The following DDX1 variants were observed in gnomAD, a reference collection of about 807,000 sequenced individuals.
DDX1 encodes DEAD-box helicase 1, also known as ATP-dependent RNA helicase DDX1.
DDX1 carries 28 observed loss-of-function variants against 108.7 expected under a neutral mutation model. The observed-to-expected ratio is 0.26, with a 90% CI of 0.19 to 0.35. The LOEUF (loss-of-function observed/expected upper bound fraction) is 0.35. DDX1 is among the 10% of genes least tolerant of loss of function. The probability of loss-of-function intolerance (pLI) is 1.00; values close to 1 mark genes in which losing one functional copy is unlikely to be tolerated. For synonymous variants in DDX1, 295 were observed against 288.9 expected, an observed-to-expected ratio of 1.02 and a Z score of -0.21; for missense variants, 710 against 884.5, an observed-to-expected ratio of 0.80 and a Z score of 2.50.
At chr2:15,609,387 G>A (rs1665718544) in intron 13 of DDX1, among the ~76,000 whole-genome samples, 1 of 152,216 alleles carries the variant, frequency 6.6e-6, no homozygotes, top group Non-Finnish European at 1.5e-5. Flanking sequence ...ATCTTTGAAT[G>A]AAGCTAAGCT....
At position 15,595,146 on chromosome 2, in the gene DDX1, G is replaced by A. The variant is rs1465725135; in HGVS notation, c.18G>A (p.Glu6=). 19 of 1,607,764 alleles carry A rather than the reference G, an allele frequency of 1.2e-5. No homozygotes were observed. Among genetic ancestry groups the A allele is most frequent in the Non-Finnish European group, 1.6e-5 (19 of 1,177,044 alleles). ...TTTAAAATTAATTTTTACTTTCAGA[G>A]ATGGGTGTAATGCCTGAGATTGCAC... The part of the protein sequence containing the change: MAAFS[E]MGVMPEIAQA... The change falls in exon 2 of 26, where the codon GAG becomes GAA. Residue 6 remains glutamate (E), a splice_region_variant and synonymous_variant. Transcript: ENST00000233084.
intron 10 of DDX1, 47 bp downstream of exon 10, chr2:15,604,556 A>G (rs146192227): frequency 5.5e-6 from 7 of 1,284,248 alleles, no homozygotes; most frequent in Admixed American, 3.5e-5. Context: ...ATGATATTCA[A>G]TAATTGTGGT....
chr2:15,621,102 G>T lies in DDX1; in HGVS notation c.1433G>T (p.Gly478Val), dbSNP rs749562135. Residue 478 changes from glycine (G) to valine (V), a missense_variant, in exon 18 of 26, where the codon GGT (glycine) becomes GTT (valine). By Grantham distance (109) the Gly-to-Val change is moderately radical. Around this residue, in one of 3 missense-constraint regions of DDX1, gnomAD observed 661 missense variants for 810.2 expected, o/e 0.82. Coordinates refer to ENST00000233084, the MANE Select transcript of DDX1 (RefSeq NM_004939.3). ...DVHAKDNTRP[G>V]ANSPEMWSEA... is the part of the protein sequence containing the mutation. Reference sequence around the variant, plus strand: ...CATGCAAAAGATAACACAAGACCTGGTGCTAATAGTCCAGGTGAGTTAAAA... The same window carrying T: ...CATGCAAAAGATAACACAAGACCTGTTGCTAATAGTCCAGGTGAGTTAAAA... The T allele has an allele frequency of 3.7e-6, 6 of 1,609,688 alleles. No homozygotes were observed. Among genetic ancestry groups the T allele is most frequent in the Non-Finnish European group, 5.1e-6 (6 of 1,177,360 alleles).
In DDX1 at chr2:15,607,268, A is replaced by G. The variant is rs547863300; in HGVS notation, c.911A>G (p.Asn304Ser). Residue 304 changes from asparagine to serine, a missense_variant, in exon 13 of 26, where the codon AAC becomes AGC. Around this residue, in one of 3 missense-constraint regions of DDX1, gnomAD observed 661 missense variants for 810.2 expected, o/e 0.82. Transcript: ENST00000233084. ...CGGGAGTTAGCTGAACAAACTTTGAACAACATCAAGCAGTTTAAGAAATAC... is the reference window on the plus strand; with the variant it reads ...CGGGAGTTAGCTGAACAAACTTTGAGCAACATCAAGCAGTTTAAGAAATAC... ...PSRELAEQTL[N>S]NIKQFKKYID... 3 of 1,613,402 alleles carry G rather than the reference A, an allele frequency of 1.9e-6. No homozygotes were observed. The highest frequency in any genetic ancestry group is 1.1e-5 in the South Asian group (1 of 91,056).
At chr2:15,624,502 A>G (rs1454417670) in intron 19 of DDX1, among the ~76,000 whole-genome samples, 1 of 152,166 alleles carries the variant, frequency 6.6e-6, no homozygotes, top group African/African-American at 2.4e-5. Flanking sequence ...ACATGGCAGC[A>G]GGAAGGAGAA....
chr2:15,613,486 A>AT (rs1198448375), intron 14 of DDX1, among the ~76,000 whole-genome samples: 1 of 152,170 alleles, frequency 6.6e-6, no homozygotes, highest in East Asian at 1.9e-4. Flanking sequence ...CTCAAGCAAA[A>AT]TTCCAGCATA....
chr2:15,618,393 G>A (rs1025560269), intron 16 of DDX1, 123 bp downstream of exon 16: 9 of 607,480 alleles, frequency 1.5e-5, no homozygotes, highest in African/African-American at 5.4e-5. Context: ...GCCCTTGCCC[G>A]GGTTTTGCTC....
At chr2:15,608,265 A>AG (rs372278667) in intron 13 of DDX1, among the ~76,000 whole-genome samples, 1 of 150,348 alleles carries the variant, frequency 6.7e-6, no homozygotes, top group African/African-American at 2.5e-5. Context: ...GTGGTGACTC[A>AG]CGCCTGTATT....
At chr2:15,606,369 G>T in intron 12 of DDX1, 105 bp downstream of exon 12, 1 of 714,996 alleles carries the variant, frequency 1.4e-6, no homozygotes, top group South Asian at 2.3e-5. Flanking sequence ...TTTCCTTGCT[G>T]GTTTAGTCAC....
chr2:15,620,146 TTGTG>T, intron 16 of DDX1, 58 bp from the exon 17 acceptor site: 1 of 1,423,112 alleles, frequency 7.0e-7, no homozygotes, highest in Non-Finnish European at 9.8e-7. Context: ...ATATCAGTGT[TTGTG>T]TGATTTATTA....
At chr2:15,630,212 T>C (rs1456577841) in intron 25 of DDX1, 102 bp downstream of exon 25, 10 of 1,209,942 alleles carry the variant, frequency 8.3e-6, no homozygotes, top group Non-Finnish European at 1.2e-5. Flanking sequence ...GTTAAGAGTA[T>C]ATTTTTAGCG....
In DDX1 at chr2:15,628,952, C is replaced by A. The variant is rs1666146143; in HGVS notation, c.1875+113C>A. The stretch of plus-strand genomic sequence containing the variant: ...ATTTAATTCAGCTGCGTATGGAATA[C>A]AAATGAACTTTTTAATGTCATCTTT... On this transcript the variant is annotated intron_variant, in intron 23 of 25. Transcript: ENST00000233084. 4 of 956,772 alleles carry A rather than the reference C, an allele frequency of 4.2e-6. No individual in the cohort carries two copies. The Admixed American group carries it at 8.3e-5, about 20-fold the overall frequency. 59.3% of individuals were successfully genotyped at this position (956,772 alleles called of 1,614,324 possible).
At chr2:15,623,946 C>G (rs1666052956) in intron 19 of DDX1, among the ~76,000 whole-genome samples, 1 of 151,728 alleles carries the variant, frequency 6.6e-6, no homozygotes, top group Non-Finnish European at 1.5e-5. Context: ...GAAAAAAAAC[C>G]TAAACAAGAG....
chr2:15,599,645 CT>C, intron 5 of DDX1, 23 bp from the exon 6 acceptor site: 1 of 1,579,482 alleles, frequency 6.3e-7, no homozygotes, highest in Non-Finnish European at 8.6e-7. Context: ...CTGTGGGTAA[CT>C]TTTCTTATTT....
intron 13 of DDX1, among the ~76,000 whole-genome samples, chr2:15,611,037 C>T (rs1402451516): frequency 1.3e-5 from 2 of 149,912 alleles, no homozygotes; most frequent in Admixed American, 1.3e-4. Flanking sequence ...TGCGGCCTTC[C>T]GCAGTGTTTG....
intron 16 of DDX1, among the ~76,000 whole-genome samples, chr2:15,619,218 G>T (rs1352010853): frequency 6.6e-6 from 1 of 152,204 alleles, no homozygotes; most frequent in Non-Finnish European, 1.5e-5. Flanking sequence ...GCCCCATTGA[G>T]GTGGCTCCCA....
At chr2:15,613,088 G>C in intron 13 of DDX1, 136 bp from the exon 14 acceptor site, 1 of 620,266 alleles carries the variant, frequency 1.6e-6, no homozygotes. Context: ...CCCCAGACTT[G>C]TTTTATTGTA....
chr2:15,612,054 C>T (rs1665776194), intron 13 of DDX1, among the ~76,000 whole-genome samples: 1 of 114,786 alleles, frequency 8.7e-6, no homozygotes, highest in African/African-American at 3.7e-5. Context: ...AGAGGCTCCC[C>T]TCTCCTCCCG....
chr2:15,596,601 C>G, intron 3 of DDX1, 133 bp from the exon 4 acceptor site: 1 of 706,124 alleles, frequency 1.4e-6, no homozygotes, highest in Non-Finnish European at 2.5e-6. Context: ...CAGAGGAACC[C>G]TGGATATCTG....
Sources: gnomAD v4.1 joint callset for allele counts (sites outside exome capture counted in the v4.1 genomes callset) on GRCh38, gnomAD v4.1.1 for gene constraint, gnomAD v4.1.1 regional missense constraint, MANE v1.5 for transcripts, NCBI Gene and HGNC (gene_info 2026-07-23, HGNC 2026-07-21) for gene names.